Variants in GRID2 observed in about 807,000 individuals in gnomAD.
The protein encoded by GRID2 is glutamate receptor ionotropic, delta-2.
In GRID2, 33 loss-of-function variants were observed where a neutral mutation model predicts 114.8. The observed-to-expected ratio is 0.29, with a 90% CI of 0.22 to 0.38. The LOEUF is 0.38. Ranked by LOEUF, GRID2 falls within the 10% of genes least tolerant of loss-of-function variation. The pLI, the probability that GRID2 is intolerant of heterozygous loss-of-function variation, is 1.00. For synonymous variants in GRID2, 505 were observed against 449.9 expected (o/e 1.12, Z -1.55); for missense variants, 1,184 against 1,257.7 (o/e 0.94, Z 0.89).
chr4:92,520,275 T>G (rs1724700693), intron 1 of GRID2, among the ~76,000 whole-genome samples: 1 of 151,784 alleles, frequency 6.6e-6, no homozygotes, highest in South Asian at 2.1e-4. Context: ...TAATAATACT[T>G]AAATATTAGA....
chr4:92,943,648 A>T (rs1375272433), intron 2 of GRID2, among the ~76,000 whole-genome samples: 2 of 152,024 alleles, frequency 1.3e-5, no homozygotes, highest in Non-Finnish European at 2.9e-5. Context: ...GGAGGAGGAG[A>T]GGTGCTCTGA....
rs35204445 is a variant in GRID2, at chr4:92,792,456, A to AACACAC, written c.244+202213_244+202218dup. The stretch of plus-strand genomic sequence containing the variant: ...AAATGATTTTATTAGCAGGCAAGAG[A>AACACAC]ACACACACACACACACACACACACA... On this transcript the variant is annotated intron_variant, in intron 2 of 15. Transcript: ENST00000282020. Among the ~76,000 whole-genome samples the AACACAC allele has an allele frequency of 6.2e-3, 844 of 136,168 alleles. 5 individuals carry two copies. Among genetic ancestry groups the AACACAC allele is most frequent in the East Asian group, 0.013 (56 of 4,346 alleles). 89.3% of individuals were successfully genotyped at this position (136,168 alleles called of 152,430 possible). A position where few individuals can be genotyped will look rare whatever the true frequency, so the allele number is the denominator to read the frequency against.
chr4:92,412,080 C>T (rs1048626725), intron 1 of GRID2, among the ~76,000 whole-genome samples: 14 of 150,932 alleles, frequency 9.3e-5, no homozygotes, highest in Non-Finnish European at 2.1e-4. Flanking sequence ...TTTTTATTTT[C>T]AATTTTAATT....
In GRID2 at chr4:92,688,037, C is replaced by CCT. The variant is rs1553916864; in HGVS notation, c.244+97751_244+97752insCT. ...GCCACATTGGTTGACCCTTCTTCTT[C>CCT]TTTTTTTTTTTTTTTTTTTTTTTTT... On this transcript the variant is annotated intron_variant, in intron 2 of 15. Coordinates refer to ENST00000282020, the MANE Select transcript of GRID2 (RefSeq NM_001510.4). Among the ~76,000 whole-genome samples the CCT allele has an allele frequency of 2.4e-3, 108 of 44,668 alleles. 9 individuals carry two copies. Among genetic ancestry groups the CCT allele is most frequent in the African/African-American group, 3.9e-3 (39 of 9,978 alleles). The allele number at this position is 44,668 out of a possible 152,430, so 29.3% of individuals were successfully genotyped here.
At chr4:93,215,943 A>G (rs931503557) in intron 5 of GRID2, among the ~76,000 whole-genome samples, 6 of 152,092 alleles carry the variant, frequency 3.9e-5, no homozygotes, top group Non-Finnish European at 8.8e-5. Context: ...AAAGGTTCCA[A>G]ATGAACACTA....
At chr4:92,626,902 G>A (rs1443730033) in intron 2 of GRID2, among the ~76,000 whole-genome samples, 1 of 151,920 alleles carries the variant, frequency 6.6e-6, no homozygotes, top group African/African-American at 2.4e-5. Flanking sequence ...ATTAATAAAA[G>A]CAAAATACAT....
chr4:93,646,576 A>G (rs538736569), intron 14 of GRID2, among the ~76,000 whole-genome samples: 2 of 152,300 alleles, frequency 1.3e-5, no homozygotes, highest in Admixed American at 1.3e-4. Flanking sequence ...TTTTTAAAGA[A>G]GCATTTTTTA....
chr4:93,786,587 C>G (rs954378321), intron 1 of GRID2, among the ~76,000 whole-genome samples: 6 of 152,122 alleles, frequency 3.9e-5, no homozygotes, highest in South Asian at 2.1e-4. Flanking sequence ...AAATAAATTT[C>G]TAGGTTCAAT....
intron 2 of GRID2, among the ~76,000 whole-genome samples, chr4:92,866,330 G>C (rs1744859944): frequency 6.6e-6 from 1 of 152,094 alleles, no homozygotes; most frequent in South Asian, 2.1e-4. Flanking sequence ...ATCTTTAGAA[G>C]CTTCCATACT....
intron 1 of GRID2, among the ~76,000 whole-genome samples, chr4:92,387,711 A>G (rs1430842508): frequency 1.3e-5 from 2 of 152,016 alleles, no homozygotes; most frequent in Non-Finnish European, 2.9e-5. Context: ...AGCCATTACT[A>G]GAACAAGGAG....
chr4:92,541,541 C>A (rs1159231492), intron 1 of GRID2, among the ~76,000 whole-genome samples: 3 of 151,762 alleles, frequency 2.0e-5, no homozygotes, highest in African/African-American at 7.3e-5. Context: ...AAATTTATAG[C>A]AATCTATGTT....
At chr4:92,307,339 G>A (rs1467735299) in intron 1 of GRID2, among the ~76,000 whole-genome samples, 1 of 152,046 alleles carries the variant, frequency 6.6e-6, no homozygotes, top group Non-Finnish European at 1.5e-5. Context: ...AGCGATGGAA[G>A]GAGATATGCA....
intron 1 of GRID2, among the ~76,000 whole-genome samples, chr4:92,520,982 A>C (rs1025427620): frequency 6.6e-6 from 1 of 151,940 alleles, no homozygotes; most frequent in South Asian, 2.1e-4. Flanking sequence ...AAAAGGAAAC[A>C]TAACAGTTAT....
At chr4:93,220,123 A>G (rs542654702) in intron 6 of GRID2, among the ~76,000 whole-genome samples, 13 of 152,276 alleles carry the variant, frequency 8.5e-5, no homozygotes, top group Middle Eastern at 3.4e-3. Flanking sequence ...TTAGCATATT[A>G]AATGTTACTA....
chr4:93,748,752 A>C (rs1399277370), intron 14 of GRID2, among the ~76,000 whole-genome samples: 1 of 152,180 alleles, frequency 6.6e-6, no homozygotes, highest in African/African-American at 2.4e-5. Flanking sequence ...CAGGTCTGGC[A>C]TGATATGAAG....
At chr4:93,527,445 T>C (rs865865384) in intron 13 of GRID2, among the ~76,000 whole-genome samples, 23 of 152,142 alleles carry the variant, frequency 1.5e-4, no homozygotes, top group Non-Finnish European at 2.9e-4. Flanking sequence ...ACCATGCTTA[T>C]GTTTTACAGA....
chr4:92,549,552 A>C (rs1260941044), intron 1 of GRID2, among the ~76,000 whole-genome samples: 1 of 152,178 alleles, frequency 6.6e-6, no homozygotes, highest in African/African-American at 2.4e-5. Flanking sequence ...ATGTTATTAA[A>C]TGACAAAGGG....
rs139849687 is a variant in GRID2 at position 93,349,264 on chromosome 4, G to A, written c.1246-46343G>A. Among the ~76,000 whole-genome samples the A allele has an allele frequency of 1.2e-3, 187 of 152,108 alleles. 2 individuals carry two copies. Among genetic ancestry groups the A allele is most frequent in the African/African-American group, 4.2e-3 (175 of 41,524 alleles). On this transcript the variant is annotated intron_variant, in intron 8 of 15. Transcript: ENST00000282020. ...AGGAGAAATGAAAGTCAAATGCGTAGTTTGCCATCTACTCCATTACTTGGG... is the reference window on the plus strand; with the variant it reads ...AGGAGAAATGAAAGTCAAATGCGTAATTTGCCATCTACTCCATTACTTGGG...
chr4:92,591,074 T>C (rs1344524635), intron 2 of GRID2, among the ~76,000 whole-genome samples: 2 of 152,168 alleles, frequency 1.3e-5, no homozygotes, highest in African/African-American at 2.4e-5. Context: ...CCTACCCCGC[T>C]GCATAGGTTG....
Sources: gnomAD v4.1 joint callset for allele counts (sites outside exome capture counted in the v4.1 genomes callset) on GRCh38, gnomAD v4.1.1 for gene constraint, MANE v1.5 for transcripts, NCBI Gene and HGNC (gene_info 2026-07-23, HGNC 2026-07-21) for gene names.